LGALS3BP: variants seen among roughly 807,000 people sequenced by gnomAD.
LGALS3BP encodes galectin 3 binding protein, also known as galectin-3-binding protein.
In LGALS3BP, 25 loss-of-function variants were observed where a neutral mutation model predicts 22.9. The observed-to-expected ratio is 1.09, with a 90% CI of 0.80 to 1.53. The LOEUF (loss-of-function observed/expected upper bound fraction) is 1.53, where lower values mean the gene tolerates loss of function less well. LGALS3BP is among the 40% of genes most tolerant of loss of function. The probability of loss-of-function intolerance (pLI) is 0.00; values close to 1 mark genes in which losing one functional copy is unlikely to be tolerated. For synonymous variants in LGALS3BP, 335 were observed against 331.1 expected, an observed-to-expected ratio of 1.01 and a Z score of -0.13; for missense variants, 718 against 752.0, an observed-to-expected ratio of 0.95 and a Z score of 0.53.
In LGALS3BP at chr17:78,975,958, G is replaced by A. The variant is rs767250420; in HGVS notation, c.244+7C>T. The A allele has an allele frequency of 1.3e-6, 2 of 1,597,608 alleles. No individual in the cohort carries two copies. The highest frequency in any genetic ancestry group is 1.7e-6 in the Non-Finnish European group (2 of 1,172,258). ...CAGCCTCAGTGGAAGGGGACAGCAG[G>A]CCCTACCTTGCCCGAAGGCAGCTCT... On this transcript the variant is annotated splice_region_variant and intron_variant, in intron 3 of 5. Coordinates refer to ENST00000262776, the MANE Select transcript of LGALS3BP (RefSeq NM_005567.4).
rs766002242 is a variant in LGALS3BP, at chr17:78,973,044, C to G, written c.555G>C (p.Leu185=). ...TGACATTGCTGCCCGGCTCCTTCCACAGGGCCTGGGCCTCCAGGTTGGCAG... is the reference window on the plus strand; with the variant it reads ...TGACATTGCTGCCCGGCTCCTTCCAGAGGGCCTGGGCCTCCAGGTTGGCAG... ...ILTANLEAQA[L]WKEPGSNVTM... is the part of the protein sequence containing the mutation. Residue 185 remains leucine, a synonymous_variant, in exon 5 of 6, where the codon CTG becomes CTC. Coordinates refer to ENST00000262776, the MANE Select transcript of LGALS3BP (RefSeq NM_005567.4). The surrounding 1 kb of genome is among the most constrained non-coding windows in gnomAD (Gnocchi z 5.8). 1 of 1,613,974 alleles carries G rather than the reference C, an allele frequency of 6.2e-7. No homozygotes were observed. The highest frequency in any genetic ancestry group is 8.5e-7 in the Non-Finnish European group (1 of 1,180,014).
At chr17:78,977,095 C>T in intron 2 of LGALS3BP, 45 bp downstream of exon 2, 1 of 1,604,406 alleles carries the variant, frequency 6.2e-7, no homozygotes, top group African/African-American at 1.3e-5. Context: ...GGTGCACCAG[C>T]CTTCCACACT....
Position 78,975,996 on chromosome 17 carries a change from G to C in LGALS3BP, c.213C>G (p.Thr71=). ...VCRALGFENA[T]QALGRAAFGQ... ...CGAAGGCAGCTCTGCCCAGAGCCTG[G>C]GTGGCGTTCTCGAAGCCCAGGGCCC... is the stretch of plus-strand genomic sequence containing the variant. Residue 71 remains threonine, a synonymous_variant, in exon 3 of 6, where the codon ACC becomes ACG. Transcript: ENST00000262776. The C allele has an allele frequency of 1.2e-6, 2 of 1,611,914 alleles. No individual in the cohort carries two copies. The highest frequency in any genetic ancestry group is 4.5e-5 in the East Asian group (2 of 44,862).
At position 78,976,871 on chromosome 17, in the gene LGALS3BP, G is replaced by T; in HGVS notation, c.52+269C>A. 2.0e-6 allele frequency: 1 copy of T among 509,522 alleles called. No homozygotes were observed. Among genetic ancestry groups the T allele is most frequent in the Non-Finnish European group, 3.5e-6 (1 of 283,334 alleles). The allele number at this position is 509,522 out of a possible 1,614,324, so 31.6% of individuals were successfully genotyped here. On this transcript the variant is annotated intron_variant, in intron 2 of 5. Coordinates refer to ENST00000262776, the MANE Select transcript of LGALS3BP (RefSeq NM_005567.4). The surrounding 1 kb of genome is among the most constrained non-coding windows in gnomAD (Gnocchi z 4.6). ...CAACGGCCCCTGTGACTGCTGGTTTGATCAGCCCCTCTGGTTCCCTCTGGA... is the reference window on the plus strand; with the variant it reads ...CAACGGCCCCTGTGACTGCTGGTTTTATCAGCCCCTCTGGTTCCCTCTGGA...
rs767046800 is a variant in LGALS3BP, at chr17:78,976,026, G to T, written c.183C>A (p.Val61=). Residue 61 remains valine, a synonymous_variant, in exon 3 of 6, where the codon GTC becomes GTA. Coordinates refer to ENST00000262776, the MANE Select transcript of LGALS3BP (RefSeq NM_005567.4). The surrounding 1 kb of genome is among the most constrained non-coding windows in gnomAD (Gnocchi z 4.6). The stretch of plus-strand genomic sequence containing the variant: ...CGTTCTCGAAGCCCAGGGCCCGGCA[G>T]ACGACGCTGGCATCAGTCAGGTCCC... ...NLWDLTDASV[V]CRALGFENAT... The T allele has an allele frequency of 6.2e-6, 10 of 1,612,850 alleles. No homozygotes were observed. The South Asian group carries it at 1.1e-4, about 18-fold the overall frequency.
rs1488728092 is a variant in LGALS3BP at position 78,979,905 on chromosome 17, C to T, written c.-105G>A. On this transcript the variant is annotated 5_prime_UTR_variant, in exon 1 of 6. Coordinates refer to ENST00000262776, the MANE Select transcript of LGALS3BP (RefSeq NM_005567.4). ...CCCTCTGCAGACTGGTCCTTTGACC[C>T]AGAAGCCTCTCCCAGTATGGAGCGT... 1 of 152,262 alleles carries T rather than the reference C, an allele frequency of 6.6e-6. No individual in the cohort carries two copies. Among genetic ancestry groups the T allele is most frequent in the African/African-American group, 2.4e-5 (1 of 41,462 alleles). 9.4% of individuals were successfully genotyped at this position (152,262 alleles called of 1,614,324 possible).
At position 78,971,806 on chromosome 17, in the gene LGALS3BP, C is replaced by T. The variant is rs578094157; in HGVS notation, c.1528G>A (p.Gly510Ser). ...ELPVLGLTKSGGSDRTIAYEN... is the reference protein window; with the variant it reads ...ELPVLGLTKSSGSDRTIAYEN... ...TAGGCAATGGTGCGATCTGAGCCGC[C>T]AGACTTGGTGAGGCCCAGGACAGGG... The change falls in exon 6 of 6, where the codon GGC becomes AGC. Residue 510 changes from glycine (G) to serine (S), a missense_variant. Transcript: ENST00000262776. This position sits in a 1 kb window ranked among gnomAD's most constrained non-coding sequence, Gnocchi z 5.6. 6.2e-7 allele frequency: 1 copy of T among 1,614,102 alleles called. No individual in the cohort carries two copies. The highest frequency in any genetic ancestry group is 1.3e-5 in the African/African-American group (1 of 75,026).
rs1281992733 is a variant in LGALS3BP at position 78,976,671 on chromosome 17, G to A, written c.52+469C>T. Among the ~76,000 whole-genome samples, 1 of 152,192 alleles carries A rather than the reference G, an allele frequency of 6.6e-6. No homozygotes were observed. Among genetic ancestry groups the A allele is most frequent in the Non-Finnish European group, 1.5e-5 (1 of 68,036 alleles). ...TCCACCAACACTCCAGCCCCTACAG[G>A]AGCTGACAGAGCCGGGCAGGAGCTG... On this transcript the variant is annotated intron_variant, in intron 2 of 5. Coordinates refer to ENST00000262776, the MANE Select transcript of LGALS3BP (RefSeq NM_005567.4). The surrounding 1 kb of genome is among the most constrained non-coding windows in gnomAD (Gnocchi z 4.6).
In LGALS3BP at chr17:78,972,473, G is replaced by A. The variant is rs138118783; in HGVS notation, c.861C>T (p.Phe287=). 2.0e-5 allele frequency: 32 copies of A among 1,613,384 alleles called. No homozygotes were observed. Among genetic ancestry groups the A allele is most frequent in the South Asian group, 9.9e-5 (9 of 91,064 alleles). Reference sequence around the variant, plus strand: ...AGGCCTCGGCCTGCGTCAAGGCCTCGAAGTTCCAGGCCAGGAACTGTAGGC... The same window carrying A: ...AGGCCTCGGCCTGCGTCAAGGCCTCAAAGTTCCAGGCCAGGAACTGTAGGC... ...KLCLQFLAWN[F]EALTQAEAWP... The change falls in exon 6 of 6, where the codon TTC becomes TTT. Residue 287 remains phenylalanine (F), a synonymous_variant. Transcript: ENST00000262776. The surrounding 1 kb of genome is among the most constrained non-coding windows in gnomAD (Gnocchi z 5.1).
chr17:78,972,551 CA>C lies in LGALS3BP; in HGVS notation c.782del (p.Leu261ArgfsTer30), dbSNP rs755776775. ...LPQDPSFQMP[L>X]DLYAYAVATG... The stretch of plus-strand genomic sequence containing the variant: ...TGGCCACTGCATAGGCATACAGGTC[CA>C]GGGGCATCTGGAACGAGGGGTCCTG... On this transcript the variant is annotated frameshift_variant, in exon 6 of 6. Transcript: ENST00000262776. LOFTEE classifies it low-confidence loss of function (END_TRUNC). The surrounding 1 kb of genome is among the most constrained non-coding windows in gnomAD (Gnocchi z 5.1). The C allele has an allele frequency of 6.2e-7, 1 of 1,605,978 alleles. No individual in the cohort carries two copies. The highest frequency in any genetic ancestry group is 1.3e-5 in the African/African-American group (1 of 74,876).
chr17:78,975,603 C>G (rs1219562309), intron 3 of LGALS3BP, among the ~76,000 whole-genome samples: 2 of 151,840 alleles, frequency 1.3e-5, no homozygotes, highest in African/African-American at 4.8e-5. Flanking sequence ...CCAGCCTGGC[C>G]AACATGGTGA....
rs2070720095 is a variant in LGALS3BP at position 78,976,233 on chromosome 17, T to C, written c.53-77A>G. The C allele has an allele frequency of 7.8e-7, 1 of 1,276,538 alleles. No homozygotes were observed. Among genetic ancestry groups the C allele is most frequent in the Admixed American group, 2.7e-5 (1 of 37,464 alleles). 79.1% of individuals were successfully genotyped at this position (1,276,538 alleles called of 1,614,324 possible). On this transcript the variant is annotated intron_variant, in intron 2 of 5. Coordinates refer to ENST00000262776, the MANE Select transcript of LGALS3BP (RefSeq NM_005567.4). This position sits in a 1 kb window ranked among gnomAD's most constrained non-coding sequence, Gnocchi z 4.6. ...CCACACCTCCAGGCCCCATATGCTG[T>C]CCTGGGTCTCCCCTGCTGAGCTTGT...
At position 78,972,304 on chromosome 17, in the gene LGALS3BP, C is replaced by G. The variant is rs763361258; in HGVS notation, c.1030G>C (p.Glu344Gln). 3.7e-6 allele frequency: 6 copies of G among 1,613,338 alleles called. No homozygotes were observed. In the South Asian group the frequency reaches 6.6e-5, roughly 18 times the overall value. Reference sequence around the variant, plus strand: ...AGCATCATGGGGAAGCGGATCTTCTCCACCAAGCCCTCCACCTCCTCATGG... The same window carrying G: ...AGCATCATGGGGAAGCGGATCTTCTGCACCAAGCCCTCCACCTCCTCATGG... Reference protein sequence around the residue: ...ASHEEVEGLVEKIRFPMMLPE... With the variant: ...ASHEEVEGLVQKIRFPMMLPE... The change falls in exon 6 of 6, where the codon GAG (glutamate) becomes CAG (glutamine). Residue 344 changes from glutamate to glutamine, a missense_variant. By Grantham distance (29) the Glu-to-Gln change is conservative (BLOSUM62 2). Coordinates refer to ENST00000262776, the MANE Select transcript of LGALS3BP (RefSeq NM_005567.4). This position sits in a 1 kb window ranked among gnomAD's most constrained non-coding sequence, Gnocchi z 5.1.
chr17:78,978,577 G>C (rs1171916150), intron 1 of LGALS3BP, among the ~76,000 whole-genome samples: 3 of 152,254 alleles, frequency 2.0e-5, no homozygotes, highest in Non-Finnish European at 4.4e-5. Flanking sequence ...AGGGGCCAGG[G>C]TGTGACCGCC....
In LGALS3BP at chr17:78,971,312, G is replaced by A. The variant is rs1188856115; in HGVS notation, c.*264C>T. 3.8e-6 allele frequency: 2 copies of A among 529,992 alleles called. No homozygotes were observed. The highest frequency in any genetic ancestry group is 6.7e-6 in the Non-Finnish European group (2 of 296,674). The allele number at this position is 529,992 out of a possible 1,614,324, so 32.8% of individuals were successfully genotyped here. On this transcript the variant is annotated 3_prime_UTR_variant, in exon 6 of 6. Coordinates refer to ENST00000262776, the MANE Select transcript of LGALS3BP (RefSeq NM_005567.4). This position sits in a 1 kb window ranked among gnomAD's most constrained non-coding sequence, Gnocchi z 5.6. ...ACCAGTGACAAGGGCAGACTGACCA[G>A]GGGCTGTGGGGGGATCCCAGAGCAA...
chr17:78,977,277 T>C (rs2070729465), intron 1 of LGALS3BP, 63 bp from the exon 2 acceptor site: 1 of 1,385,964 alleles, frequency 7.2e-7, no homozygotes, highest in Non-Finnish European at 1.0e-6. Context: ...CCCCAGGGAC[T>C]GGCCTGCCCA....
chr17:78,973,310 G>A lies in LGALS3BP; in HGVS notation c.377-88C>T. The A allele has an allele frequency of 7.3e-7, 1 of 1,373,786 alleles. No individual in the cohort carries two copies. The highest frequency in any genetic ancestry group is 2.5e-5 in the East Asian group (1 of 39,656). 85.1% of individuals were successfully genotyped at this position (1,373,786 alleles called of 1,614,324 possible). On this transcript the variant is annotated intron_variant, in intron 4 of 5. Transcript: ENST00000262776. The surrounding 1 kb of genome is among the most constrained non-coding windows in gnomAD (Gnocchi z 5.8). Reference sequence around the variant, plus strand: ...TCAGTGTCTTCATCTGAAAGTGAGGGATTTGTGGCTGCCTCATTCACTCTG... The same window carrying A: ...TCAGTGTCTTCATCTGAAAGTGAGGAATTTGTGGCTGCCTCATTCACTCTG...
intron 1 of LGALS3BP, among the ~76,000 whole-genome samples, chr17:78,978,926 T>G (rs1207136892): frequency 6.6e-6 from 1 of 151,998 alleles, no homozygotes; most frequent in African/African-American, 2.4e-5. Context: ...ATAATAATAA[T>G]AAGCTGGGCA....
rs143584782 is a variant in LGALS3BP at position 78,971,780 on chromosome 17, G to A, written c.1554C>T (p.Tyr518=). ...CGCAGAGCATCAGGGCTTTGTTTTC[G>A]TAGGCAATGGTGCGATCTGAGCCGC... ...KSGGSDRTIA[Y]ENKALMLCEG... is the part of the protein sequence containing the mutation. The change falls in exon 6 of 6, where the codon TAC becomes TAT. Residue 518 remains tyrosine (Y), a synonymous_variant. Transcript: ENST00000262776. The surrounding 1 kb of genome is among the most constrained non-coding windows in gnomAD (Gnocchi z 5.6). 2.0e-5 allele frequency: 33 copies of A among 1,613,964 alleles called. No individual in the cohort carries two copies. Among genetic ancestry groups the A allele is most frequent in the Admixed American group, 8.3e-5 (5 of 60,002 alleles).
Sources: gnomAD v4.1 joint callset for allele counts (sites outside exome capture counted in the v4.1 genomes callset) on GRCh38, gnomAD v4.1.1 for gene constraint, Gnocchi (gnomAD v3.1) non-coding constraint, MANE v1.5 for transcripts, NCBI Gene and HGNC (gene_info 2026-07-23, HGNC 2026-07-21) for gene names.